TACC2: variants seen among roughly 807,000 people sequenced by gnomAD.
The protein encoded by TACC2 is transforming acidic coiled-coil containing protein 2.
TACC2 carries 137 observed loss-of-function variants against 227.3 expected under a neutral mutation model. The ratio of observed to expected loss-of-function variants is 0.60; its 90% CI spans 0.52 to 0.69. The LOEUF is 0.69. Among genes scored for constraint, TACC2 ranks in the 30% least tolerant of loss-of-function variants. The pLI, the probability that TACC2 is intolerant of heterozygous loss-of-function variation, is 0.00. For synonymous variants in TACC2, 1,523 were observed against 1,487.5 expected, an observed-to-expected ratio of 1.02 and a Z score of -0.55; for missense variants, 3,470 against 3,694.4, an observed-to-expected ratio of 0.94 and a Z score of 1.57.
chr10:122,030,906 C>T (rs899419397), intron 2 of TACC2, among the ~76,000 whole-genome samples: 2 of 152,072 alleles, frequency 1.3e-5, no homozygotes, highest in African/African-American at 2.4e-5. Context: ...CCCTCCAACC[C>T]AAACTCAGCT....
chr10:122,104,446 G>A (rs10887068), intron 5 of TACC2, among the ~76,000 whole-genome samples: 39,812 of 151,746 alleles, frequency 0.26, 5,541 homozygotes, highest in Non-Finnish European at 0.31. Flanking sequence ...TTGTCTCATT[G>A]CAACCTCCGC....
intron 7 of TACC2, chr10:122,163,415 AGCTACACAATGCGGGCGGTCCCGG>A (rs1377955776): frequency 7.3e-6 from 2 of 273,780 alleles, no homozygotes; most frequent in African/African-American, 4.6e-5. Context: ...TGCATTTCAA[AGCTACACAATGCGGGCGGTCCCGG>A]CGAGGCGGGA....
At chr10:122,248,591 C>T in intron 19 of TACC2, 52 bp from the exon 20 acceptor site, 11 of 1,607,448 alleles carry the variant, frequency 6.8e-6, no homozygotes, top group Non-Finnish European at 8.5e-6. Context: ...CCCCAGAGAC[C>T]CAGTTTGGAC....
chr10:122,007,310 C>A (rs889795131), intron 1 of TACC2, among the ~76,000 whole-genome samples: 3 of 151,734 alleles, frequency 2.0e-5, no homozygotes. Context: ...TTTTATTCCT[C>A]CTTGCTTTTT....
intron 6 of TACC2, among the ~76,000 whole-genome samples, chr10:122,133,899 C>T (rs2088941194): frequency 6.6e-6 from 1 of 152,152 alleles, no homozygotes; most frequent in Admixed American, 6.5e-5. Context: ...TTGGGCAGGC[C>T]CTGGAGGAAT....
intron 11 of TACC2, among the ~76,000 whole-genome samples, chr10:122,220,592 C>T (rs1471684282): frequency 1.3e-5 from 2 of 152,160 alleles, no homozygotes. Context: ...TGTGATTGAT[C>T]GTCAGAAAGA....
At chr10:122,160,447 G>A (rs1319792159) in intron 7 of TACC2, among the ~76,000 whole-genome samples, 1 of 152,188 alleles carries the variant, frequency 6.6e-6, no homozygotes, top group Non-Finnish European at 1.5e-5. Context: ...AGAGCAGGGT[G>A]CTAGCATGGT....
intron 3 of TACC2, among the ~76,000 whole-genome samples, chr10:122,054,194 C>T (rs1348012749): frequency 6.6e-6 from 1 of 152,238 alleles, no homozygotes; most frequent in Non-Finnish European, 1.5e-5. Flanking sequence ...ATCAATTCGA[C>T]TGTCTTGCTT....
intron 5 of TACC2, among the ~76,000 whole-genome samples, chr10:122,130,788 G>C (rs1348865889): frequency 6.6e-6 from 1 of 152,188 alleles, no homozygotes; most frequent in Non-Finnish European, 1.5e-5. Context: ...AGGTCGTTGT[G>C]AGGATCAAAT....
At chr10:122,154,256 C>T (rs920887425) in intron 7 of TACC2, among the ~76,000 whole-genome samples, 1 of 152,260 alleles carries the variant, frequency 6.6e-6, no homozygotes, top group African/African-American at 2.4e-5. Context: ...AAACTTGCTG[C>T]TGCTCGGACA....
At chr10:122,179,103 G>C (rs2093865163) in intron 7 of TACC2, among the ~76,000 whole-genome samples, 1 of 152,180 alleles carries the variant, frequency 6.6e-6, no homozygotes, top group South Asian at 2.1e-4. Flanking sequence ...ATGATGAAGA[G>C]GAAAAGCCAG....
chr10:122,099,826 A>T (rs1478590754), intron 5 of TACC2, among the ~76,000 whole-genome samples: 5 of 152,190 alleles, frequency 3.3e-5, no homozygotes, highest in African/African-American at 1.2e-4. Flanking sequence ...AGAAGATGGG[A>T]AGCTTATGTG....
intron 6 of TACC2, among the ~76,000 whole-genome samples, chr10:122,136,073 C>G (rs1298371795): frequency 6.6e-6 from 1 of 152,182 alleles, no homozygotes; most frequent in African/African-American, 2.4e-5. Context: ...CATCTTTAAA[C>G]AGAAGCACAC....
rs139714389 is a variant in TACC2, at chr10:122,175,709, A to G, written c.5835-19331A>G. Among the ~76,000 whole-genome samples, 56 of 152,328 alleles carry G rather than the reference A, an allele frequency of 3.7e-4. No individual in the cohort carries two copies. The South Asian group carries it at 7.1e-3, about 19-fold the overall frequency. On this transcript the variant is annotated intron_variant, in intron 7 of 22. Transcript: ENST00000369005. ...TTCCTGGAGACTGTCTGAATTGTCT[A>G]CAACTCAGGGACCAGGGAAATATCT...
At chr10:122,118,626 G>C (rs1329452910) in intron 5 of TACC2, among the ~76,000 whole-genome samples, 1 of 152,206 alleles carries the variant, frequency 6.6e-6, no homozygotes, top group Non-Finnish European at 1.5e-5. Flanking sequence ...AGAGGAAATG[G>C]AGGTAATTTT....
At chr10:122,114,513 C>T (rs949726196) in intron 5 of TACC2, among the ~76,000 whole-genome samples, 6 of 152,366 alleles carry the variant, frequency 3.9e-5, no homozygotes, top group Middle Eastern at 3.4e-3. Flanking sequence ...GGGAGGGCCT[C>T]CTGAGAATGG....
At chr10:122,035,154 C>T (rs1401525673) in intron 2 of TACC2, among the ~76,000 whole-genome samples, 1 of 152,180 alleles carries the variant, frequency 6.6e-6, no homozygotes, top group Non-Finnish European at 1.5e-5. Flanking sequence ...GGTTCTATCT[C>T]ACAGAGGTCT....
intron 5 of TACC2, among the ~76,000 whole-genome samples, chr10:122,132,053 A>AAGGAAGGAAGGAAGGAAGG (rs2088297597): frequency 6.4e-5 from 2 of 31,082 alleles, no homozygotes; most frequent in African/African-American, 1.4e-4. Flanking sequence ...AGAAAGAAAG[A>AAGGAAGGAAGGAAGGAAGG]AAGAAAGAAA....
At chr10:122,179,262 C>T (rs2093872616) in intron 7 of TACC2, among the ~76,000 whole-genome samples, 1 of 152,208 alleles carries the variant, frequency 6.6e-6, no homozygotes, top group African/African-American at 2.4e-5. Context: ...TGTATCTGCT[C>T]ATTAGAGCTC....
Sources: allele counts gnomAD v4.1 joint callset (sites outside exome capture counted in the v4.1 genomes callset), GRCh38; gene constraint gnomAD v4.1.1; transcripts MANE v1.5; gene names NCBI Gene and HGNC (gene_info 2026-07-23, HGNC 2026-07-21).